PANK1: variants seen among roughly 807,000 people sequenced by gnomAD.
PANK1 encodes the protein pantothenic acid kinase 1.
In PANK1, 18 loss-of-function variants were observed where a neutral mutation model predicts 40.1. That is an observed-to-expected ratio of 0.45 (90% CI 0.31 to 0.67). The LOEUF (loss-of-function observed/expected upper bound fraction) is 0.67. PANK1 is among the 30% of genes least tolerant of loss of function. PANK1 has a pLI of 0.06. For synonymous variants in PANK1, 242 were observed against 237.7 expected (o/e 1.02, Z -0.17); for missense variants, 457 against 599.6 (o/e 0.76, Z 2.48).
Position 89,593,292 on chromosome 10 carries a change from G to A in PANK1, c.1105C>T (p.Arg369Ter), listed in dbSNP as rs932552792. The A allele has an allele frequency of 4.3e-6, 7 of 1,613,696 alleles. No individual in the cohort carries two copies. The highest frequency in any genetic ancestry group is 4.2e-6 in the Non-Finnish European group (5 of 1,179,752). The change falls in exon 5 of 7, where the codon CGA becomes TGA. Residue 369 changes from arginine to a stop codon, truncating the protein, a stop_gained. Coordinates refer to ENST00000307534, the MANE Select transcript of PANK1 (RefSeq NM_148977.3). LOFTEE classifies it high-confidence loss of function. Reference sequence around the variant, plus strand: ...AGGTCTTCCTTGCTGATGGAATCTCGCTTTTCTTTACTCATCATGTTGCCA... The same window carrying A: ...AGGTCTTCCTTGCTGATGGAATCTCACTTTTCTTTACTCATCATGTTGCCA... Reference protein sequence around the residue: ...SFGNMMSKEKRDSISKEDLAR... With the variant: ...SFGNMMSKEK
intron 1 of PANK1, among the ~76,000 whole-genome samples, chr10:89,632,980 A>G (rs1160440751): frequency 1.3e-5 from 2 of 152,196 alleles, no homozygotes; most frequent in South Asian, 2.1e-4. Flanking sequence ...CCTCAAATGC[A>G]TCAATAATTC....
intron 3 of PANK1, among the ~76,000 whole-genome samples, chr10:89,595,970 T>C (rs1460850597): frequency 6.7e-6 from 1 of 148,924 alleles, no homozygotes; most frequent in Non-Finnish European, 1.5e-5. Flanking sequence ...GTACCACCAG[T>C]AGCAGATACC....
intron 6 of PANK1, among the ~76,000 whole-genome samples, chr10:89,585,891 T>C (rs2133916436): frequency 6.6e-6 from 1 of 152,322 alleles, no homozygotes; most frequent in South Asian, 2.1e-4. Flanking sequence ...AATTTAAGAA[T>C]GTAGAGAATT....
At chr10:89,588,621 A>G in intron 6 of PANK1, 31 bp downstream of exon 6, 1 of 1,547,518 alleles carries the variant, frequency 6.5e-7, no homozygotes, top group Non-Finnish European at 8.7e-7. Context: ...TACTCCACAT[A>G]TGACAGTAAG....
In PANK1 at chr10:89,644,877, G is replaced by T; in HGVS notation, c.15C>A (p.Ser5Arg). 11 of 1,494,700 alleles carry T rather than the reference G, an allele frequency of 7.4e-6. No homozygotes were observed. Among genetic ancestry groups the T allele is most frequent in the Non-Finnish European group, 9.8e-6 (11 of 1,127,236 alleles). The allele number at this position is 1,494,700 out of a possible 1,614,324, so 92.6% of individuals were successfully genotyped here. A position where few individuals can be genotyped will look rare whatever the true frequency, so the allele number is the denominator to read the frequency against. The change falls in exon 1 of 7, where the codon AGC (serine) becomes AGA (arginine). Residue 5 changes from serine (S) to arginine (R), a missense_variant. Physicochemically the swap from Ser to Arg is moderately radical, Grantham distance 110. Coordinates refer to ENST00000307534, the MANE Select transcript of PANK1 (RefSeq NM_148977.3). The part of the protein sequence containing the change: MGDR[S>R]GQQERSVPHS... ...GCGGGACCGAGCGCTCCTGCTGCCC[G>T]CTGCGGTCGCCCATGCCGGGGGCTG...
In PANK1 at chr10:89,584,213, C is replaced by A. The variant is rs994696423; in HGVS notation, c.*193G>T. 4 of 519,992 alleles carry A rather than the reference C, an allele frequency of 7.7e-6. No individual in the cohort carries two copies. In the South Asian group the frequency reaches 1.1e-4, roughly 15 times the overall value. The allele number at this position is 519,992 out of a possible 1,614,324, so 32.2% of individuals were successfully genotyped here. A position where few individuals can be genotyped will look rare whatever the true frequency, so the allele number is the denominator to read the frequency against. On this transcript the variant is annotated 3_prime_UTR_variant, in exon 7 of 7. Coordinates refer to ENST00000307534, the MANE Select transcript of PANK1 (RefSeq NM_148977.3). The stretch of plus-strand genomic sequence containing the variant: ...ATACAGAAAAAAAACCTTTTATATT[C>A]CCCCGTTTTGAATCATTAGCTCAAA...
chr10:89,593,758 G>A (rs1844481238), intron 4 of PANK1, 55 bp downstream of exon 4: 7 of 1,335,638 alleles, frequency 5.2e-6, no homozygotes, highest in Non-Finnish European at 7.5e-6. Context: ...AATGGCCAGG[G>A]TGGAGAGGCT....
At chr10:89,592,375 C>A (rs1161298254) in intron 5 of PANK1, among the ~76,000 whole-genome samples, 1 of 152,176 alleles carries the variant, frequency 6.6e-6, no homozygotes, top group East Asian at 1.9e-4. Context: ...TGTTCTATTT[C>A]TTGATCTGGG....
intron 4 of PANK1, 64 bp downstream of exon 4, chr10:89,593,749 A>C: frequency 8.2e-7 from 1 of 1,221,914 alleles, no homozygotes; most frequent in Non-Finnish European, 1.2e-6. Flanking sequence ...AACTTAGTGA[A>C]TGGCCAGGGT....
intron 1 of PANK1, among the ~76,000 whole-genome samples, chr10:89,640,392 T>TACACACAC (rs34655029): frequency 5.5e-4 from 83 of 150,066 alleles, no homozygotes; most frequent in East Asian, 4.3e-3. Context: ...AAGGAGAGAA[T>TACACACAC]ACACACACAC....
chr10:89,593,029 T>A (rs765680058), intron 5 of PANK1, among the ~76,000 whole-genome samples, 168 bp downstream of exon 5: 22 of 152,082 alleles, frequency 1.4e-4, no homozygotes, highest in Non-Finnish European at 2.6e-4. Context: ...AAAGCATATA[T>A]TCCTCCCCCT....
intron 1 of PANK1, among the ~76,000 whole-genome samples, chr10:89,613,204 A>C (rs2133966305): frequency 6.6e-6 from 1 of 152,312 alleles, no homozygotes. Flanking sequence ...CAAAGGTTAG[A>C]GTCTTCCTTT....
At chr10:89,635,587 A>G (rs1287495130) in intron 1 of PANK1, among the ~76,000 whole-genome samples, 1 of 152,140 alleles carries the variant, frequency 6.6e-6, no homozygotes, top group African/African-American at 2.4e-5. Context: ...CCCCAAATTC[A>G]TGTTCTTCTC....
At chr10:89,644,331 A>G (rs1359109551) in intron 1 of PANK1, among the ~76,000 whole-genome samples, 1 of 152,136 alleles carries the variant, frequency 6.6e-6, no homozygotes, top group African/African-American at 2.4e-5. Context: ...CTTATTATAT[A>G]TCCTTGACCT....
intron 3 of PANK1, among the ~76,000 whole-genome samples, chr10:89,594,799 T>G (rs1331065956): frequency 6.6e-6 from 1 of 152,200 alleles, no homozygotes; most frequent in East Asian, 1.9e-4. Context: ...TAGCCAAGAA[T>G]GAACTCAATT....
chr10:89,620,407 C>G (rs998776177), intron 1 of PANK1, among the ~76,000 whole-genome samples: 1 of 152,168 alleles, frequency 6.6e-6, no homozygotes, highest in Non-Finnish European at 1.5e-5. Context: ...CTAAAATGGC[C>G]GCTCTGGGAG....
chr10:89,609,904 G>A (rs1261100485), intron 2 of PANK1, among the ~76,000 whole-genome samples: 2 of 152,304 alleles, frequency 1.3e-5, no homozygotes, highest in East Asian at 3.9e-4. Context: ...AGAGATGGAG[G>A]CATTGACAGA....
At position 89,593,890 on chromosome 10, in the gene PANK1, A is replaced by G. The variant is rs1844485407; in HGVS notation, c.999T>C (p.Asn333=). 1 of 1,613,874 alleles carries G rather than the reference A, an allele frequency of 6.2e-7. No homozygotes were observed. Among genetic ancestry groups the G allele is most frequent in the African/African-American group, 1.3e-5 (1 of 74,942 alleles). The change falls in exon 4 of 7, where the codon AAT becomes AAC. Residue 333 remains asparagine, a synonymous_variant. Transcript: ENST00000307534. ...AAATGTCCTTCACCAGTTTATCAAC[A>G]TTGGTGCTGTCGCCTTTAGCTGCCA... The part of the protein sequence containing the change: ...LEMAAKGDST[N]VDKLVKDIYG...
At chr10:89,599,918 A>G (rs924453459) in intron 2 of PANK1, among the ~76,000 whole-genome samples, 1 of 152,126 alleles carries the variant, frequency 6.6e-6, no homozygotes, top group African/African-American at 2.4e-5. Flanking sequence ...CCTGAGTCCA[A>G]TGGCAAGCAT....
Sources: allele counts gnomAD v4.1 joint callset (sites outside exome capture counted in the v4.1 genomes callset), GRCh38; gene constraint gnomAD v4.1.1; transcripts MANE v1.5; gene names NCBI Gene and HGNC (gene_info 2026-07-23, HGNC 2026-07-21).